The following PDPR variants were observed in gnomAD, a reference collection of about 807,000 sequenced individuals.
The protein encoded by PDPR is pyruvate dehydrogenase phosphatase regulatory subunit, also known as pyruvate dehydrogenase phosphatase regulatory subunit, mitochondrial.
A neutral mutation model predicts 102.2 loss-of-function variants in PDPR; 50 were observed. That is an observed-to-expected ratio of 0.49 (90% CI 0.39 to 0.62). PDPR has a LOEUF of 0.62. PDPR is among the 20% of genes least tolerant of loss of function. The pLI, the probability that PDPR is intolerant of heterozygous loss-of-function variation, is 0.00. For missense variants in PDPR, 625 were observed against 1,098.2 expected (o/e 0.57, Z 6.09); for synonymous variants, 259 against 406.0 (o/e 0.64, Z 4.35).
intron 16 of PDPR, among the ~76,000 whole-genome samples, chr16:70,146,431 C>T (rs1412149183): frequency 3.4e-5 from 5 of 147,652 alleles, no homozygotes; most frequent in African/African-American, 1.3e-4. Flanking sequence ...CCAGCCTGGC[C>T]AACATGGTGA....
At position 70,140,039 on chromosome 16, in the gene PDPR, T is replaced by G. The variant is rs1175079939; in HGVS notation, c.1315+1016T>G. On this transcript the variant is annotated intron_variant, in intron 11 of 18. Transcript: ENST00000288050. Reference sequence around the variant, plus strand: ...CTTTAATTTTAGCAAATATTTTGGTTAAAATGTTGAACTTGGCTGGGTGTG... The same window carrying G: ...CTTTAATTTTAGCAAATATTTTGGTGAAAATGTTGAACTTGGCTGGGTGTG... Among the ~76,000 whole-genome samples, 6 of 152,376 alleles carry G rather than the reference T, an allele frequency of 3.9e-5. No individual in the cohort carries two copies. The South Asian group carries it at 1.2e-3, about 32-fold the overall frequency.
chr16:70,126,929 C>T (rs1169052660), intron 3 of PDPR, among the ~76,000 whole-genome samples: 2 of 152,266 alleles, frequency 1.3e-5, no homozygotes, highest in Admixed American at 1.3e-4. Context: ...ACTGCAACCT[C>T]TACCTTTTGA....
intron 3 of PDPR, 134 bp downstream of exon 3, chr16:70,120,853 A>AT (rs2152061315): frequency 1.6e-6 from 1 of 633,034 alleles, no homozygotes; most frequent in South Asian, 2.0e-5. Context: ...GCAAGGTGGA[A>AT]TCTCCTGAAT....
At position 70,158,487 on chromosome 16, in the gene PDPR, G is replaced by A. The variant is rs924976027; in HGVS notation, c.*1608G>A. On this transcript the variant is annotated 3_prime_UTR_variant, in exon 19 of 19. Transcript: ENST00000288050. ...TTGGGATCTCTGTTTACCCACTTAC[G>A]CTGGCTCCTTCTAGACATTTCTTGC... The A allele has an allele frequency of 2.0e-5, 3 of 153,402 alleles. No individual in the cohort carries two copies. The highest frequency in any genetic ancestry group is 4.4e-5 in the Non-Finnish European group (3 of 68,498). 9.5% of individuals were successfully genotyped at this position (153,402 alleles called of 1,614,324 possible). A position where few individuals can be genotyped will look rare whatever the true frequency, so the allele number is the denominator to read the frequency against.
chr16:70,129,700 A>T (rs568976538), intron 6 of PDPR, among the ~76,000 whole-genome samples: 1 of 152,396 alleles, frequency 6.6e-6, no homozygotes, highest in South Asian at 2.1e-4. Flanking sequence ...GGACTTGAGA[A>T]GCTCAAGGTG....
At chr16:70,133,574 T>C (rs1391340270) in intron 9 of PDPR, among the ~76,000 whole-genome samples, 4 of 148,976 alleles carry the variant, frequency 2.7e-5, no homozygotes, top group Non-Finnish European at 5.9e-5. Context: ...TGCATCAACA[T>C]GTCCAGCTAG....
Position 70,136,503 on chromosome 16 carries a change from G to T in PDPR, c.1190+117G>T, listed in dbSNP as rs1965157640. The T allele has an allele frequency of 3.0e-5, 25 of 838,754 alleles. No individual in the cohort carries two copies. The South Asian group carries it at 3.9e-4, about 13-fold the overall frequency. 52.0% of individuals were successfully genotyped at this position (838,754 alleles called of 1,614,324 possible). ...TGGTATATTTAATCTAGTATGTTAA[G>T]ACTAATAAGAAGATACATGTAATTT... On this transcript the variant is annotated intron_variant, in intron 10 of 18. Coordinates refer to ENST00000288050, the MANE Select transcript of PDPR (RefSeq NM_017990.5).
intron 11 of PDPR, among the ~76,000 whole-genome samples, chr16:70,140,097 A>G (rs1377099578): frequency 2.0e-5 from 3 of 152,268 alleles, no homozygotes; most frequent in African/African-American, 4.8e-5. Context: ...GCACTTTGGG[A>G]CGTTGAGGGA....
At chr16:70,162,740 C>T (rs1967906004), downstream of PDPR, among the ~76,000 whole-genome samples, 1 of 152,274 alleles carries the variant, frequency 6.6e-6, no homozygotes, top group South Asian at 2.1e-4. Flanking sequence ...AGCTTCCCGC[C>T]TCCTGAAATT....
chr16:70,140,271 G>T (rs1191799068), intron 11 of PDPR, among the ~76,000 whole-genome samples: 4 of 152,270 alleles, frequency 2.6e-5, no homozygotes, highest in Non-Finnish European at 1.5e-5. Context: ...AGCTGGGGAA[G>T]TTGAGGCTGC....
chr16:70,143,954 C>G (rs144089121), intron 14 of PDPR, among the ~76,000 whole-genome samples: 225 of 152,032 alleles, frequency 1.5e-3, no homozygotes, highest in African/African-American at 4.9e-3. Flanking sequence ...TGCAGTGATG[C>G]GATCATGGAT....
At chr16:70,118,549 C>T (rs1447868477) in intron 2 of PDPR, among the ~76,000 whole-genome samples, 1 of 152,214 alleles carries the variant, frequency 6.6e-6, no homozygotes, top group South Asian at 2.1e-4. Context: ...CATTTGGCAG[C>T]AGCAGTTCCC....
rs117263218 is a variant in PDPR at position 70,156,611 on chromosome 16, G to A, written c.2372G>A (p.Arg791Gln). ...CCTTGGTGGGGAGAGCCCATTTACC[G>A]GAATGGGCAGTATGTTGGCAAGACC... ...LWPWWGEPIY[R>Q]NGQYVGKTTS... is the part of the protein sequence containing the mutation. Residue 791 changes from arginine (R) to glutamine (Q), a missense_variant, in exon 19 of 19, where the codon CGG becomes CAG. Physicochemically the swap from Arg to Gln is conservative, Grantham distance 43. This residue lies in a region of PDPR where 303 missense variants were observed against 258.9 expected (regional missense o/e 1.17). Transcript: ENST00000288050. The A allele has an allele frequency of 3.9e-3, 6,316 of 1,610,622 alleles. 10 individuals are homozygous for A. Among genetic ancestry groups the A allele is most frequent in the Non-Finnish European group, 4.9e-3 (5,744 of 1,176,698 alleles).
At chr16:70,116,210 G>C (rs1962619950) in intron 2 of PDPR, among the ~76,000 whole-genome samples, 2 of 144,270 alleles carry the variant, frequency 1.4e-5, no homozygotes, top group South Asian at 4.3e-4. Flanking sequence ...CTGAGTAGCT[G>C]GGACTACAGG....
At chr16:70,120,249 A>G in intron 2 of PDPR, 2 of 434,232 alleles carry the variant, frequency 4.6e-6, no homozygotes, top group South Asian at 4.4e-5. Flanking sequence ...ACGGGGTTTC[A>G]CTGTGTTAGC....
intron 18 of PDPR, among the ~76,000 whole-genome samples, chr16:70,155,802 CTTTT>C (rs60054362): frequency 7.2e-6 from 1 of 139,660 alleles, no homozygotes. Flanking sequence ...ATAAAAAAGT[CTTTT>C]TTTTTTTTTT....
At chr16:70,122,846 T>TACACACACACAC (rs1437017547) in intron 3 of PDPR, among the ~76,000 whole-genome samples, 2 of 61,180 alleles carry the variant, frequency 3.3e-5, no homozygotes. Context: ...TATATCTGTA[T>TACACACACACAC]ACACACATAC....
At chr16:70,140,539 C>G (rs1172886135) in intron 11 of PDPR, among the ~76,000 whole-genome samples, 1 of 152,144 alleles carries the variant, frequency 6.6e-6, no homozygotes, top group African/African-American at 2.4e-5. Flanking sequence ...GGGGAAGGCG[C>G]CAGGCGCAGT....
At position 70,161,486 on chromosome 16, in the gene PDPR, AGTT is replaced by A; in HGVS notation, c.*4609_*4611del. The A allele has an allele frequency of 6.5e-6, 1 of 153,126 alleles. No individual in the cohort carries two copies. The highest frequency in any genetic ancestry group is 1.5e-5 in the Non-Finnish European group (1 of 68,714). The allele number at this position is 153,126 out of a possible 1,614,324, so 9.5% of individuals were successfully genotyped here. A position where few individuals can be genotyped will look rare whatever the true frequency, so the allele number is the denominator to read the frequency against. ...AGGCACATGGATTCAGGAGAAGCAC[AGTT>A]GAGTGGAAGAAATGGTAGACTTGTG... On this transcript the variant is annotated 3_prime_UTR_variant, in exon 19 of 19. Transcript: ENST00000288050.
Sources: gnomAD v4.1 joint callset for allele counts (sites outside exome capture counted in the v4.1 genomes callset) on GRCh38, gnomAD v4.1.1 for gene constraint, gnomAD v4.1.1 regional missense constraint, MANE v1.5 for transcripts, NCBI Gene and HGNC (gene_info 2026-07-23, HGNC 2026-07-21) for gene names.